The following LMBR1 variants were observed in gnomAD, a reference collection of about 807,000 sequenced individuals.
LMBR1 encodes the protein limb region 1 protein homolog.
In LMBR1, 52 loss-of-function variants were observed where a neutral mutation model predicts 73.9. The ratio of observed to expected loss-of-function variants is 0.70; its 90% CI spans 0.56 to 0.89. The LOEUF (loss-of-function observed/expected upper bound fraction) is 0.89. Ranked by LOEUF, LMBR1 falls within the 40% of genes least tolerant of loss-of-function variation. LMBR1 has a pLI of 0.00. For missense variants in LMBR1, 539 were observed against 579.8 expected, an observed-to-expected ratio of 0.93 and a Z score of 0.72; for synonymous variants, 215 against 209.4, an observed-to-expected ratio of 1.03 and a Z score of -0.23.
intron 5 of LMBR1, among the ~76,000 whole-genome samples, chr7:156,766,732 T>C (rs1332125805): frequency 6.6e-6 from 1 of 152,016 alleles, no homozygotes; most frequent in Non-Finnish European, 1.5e-5. Context: ...CCCCAAGCAG[T>C]CCTAGCTGCT....
At chr7:156,707,176 G>C (rs939103300) in intron 15 of LMBR1, among the ~76,000 whole-genome samples, 1 of 152,044 alleles carries the variant, frequency 6.6e-6, no homozygotes, top group Non-Finnish European at 1.5e-5. Flanking sequence ...AACCTCTCAA[G>C]ATTGAACCGG....
At chr7:156,788,783 C>G (rs1828633780) in intron 5 of LMBR1, among the ~76,000 whole-genome samples, 1 of 152,218 alleles carries the variant, frequency 6.6e-6, no homozygotes, top group Non-Finnish European at 1.5e-5. Flanking sequence ...CACAATGGCT[C>G]ACGCCTGTAA....
intron 9 of LMBR1, chr7:156,736,371 TA>T (rs1817872016): frequency 2.8e-6 from 1 of 355,184 alleles, no homozygotes; most frequent in Admixed American, 3.6e-5. Flanking sequence ...TTGCATTCAT[TA>T]TTTAGTATAA....
At chr7:156,705,558 A>C (rs988079953) in intron 15 of LMBR1, among the ~76,000 whole-genome samples, 2 of 152,202 alleles carry the variant, frequency 1.3e-5, no homozygotes, top group East Asian at 3.8e-4. Flanking sequence ...ACTCTGTCGC[A>C]AAAAGAAAAG....
intron 9 of LMBR1, among the ~76,000 whole-genome samples, chr7:156,749,951 AG>A (rs1820534804): frequency 6.6e-6 from 1 of 152,124 alleles, no homozygotes; most frequent in Non-Finnish European, 1.5e-5. Context: ...GGCCTCCCAA[AG>A]TGCTGGGATT....
chr7:156,862,549 A>G (rs755797728), intron 1 of LMBR1, among the ~76,000 whole-genome samples: 2 of 152,222 alleles, frequency 1.3e-5, no homozygotes, highest in Non-Finnish European at 2.9e-5. Flanking sequence ...TTTAGATACA[A>G]TATGAAAAGC....
At chr7:156,875,022 G>A (rs1411394712) in intron 1 of LMBR1, among the ~76,000 whole-genome samples, 1 of 152,158 alleles carries the variant, frequency 6.6e-6, no homozygotes, top group African/African-American at 2.4e-5. Context: ...AGAGAAAGGT[G>A]AAGTCCAATT....
In LMBR1 at chr7:156,704,480, A is replaced by G. The variant is rs1585274136; in HGVS notation, c.1226-16289T>C. 2.0e-5 allele frequency among the ~76,000 whole-genome samples: 3 copies of G among 152,330 alleles called. No individual in the cohort carries two copies. The East Asian group carries it at 5.8e-4, about 29-fold the overall frequency. ...TCCCAATGAAAGTAAATTTAAAAAT[A>G]AGCAGCAACTATTGCTCCGGATGCG... On this transcript the variant is annotated intron_variant, in intron 15 of 16. Coordinates refer to ENST00000353442, the MANE Select transcript of LMBR1 (RefSeq NM_022458.4).
intron 1 of LMBR1, among the ~76,000 whole-genome samples, chr7:156,888,218 G>A (rs1195839270): frequency 6.6e-6 from 1 of 151,624 alleles, no homozygotes; most frequent in Non-Finnish European, 1.5e-5. Context: ...AGACCTTCCT[G>A]GCTAACATGG....
chr7:156,803,793 C>T (rs990148032), intron 4 of LMBR1, among the ~76,000 whole-genome samples: 7 of 151,770 alleles, frequency 4.6e-5, no homozygotes, highest in African/African-American at 1.7e-4. Context: ...CACATATACA[C>T]CATGGAATAC....
intron 1 of LMBR1, among the ~76,000 whole-genome samples, chr7:156,887,719 G>A (rs559013640): frequency 2.3e-4 from 35 of 152,244 alleles, no homozygotes; most frequent in African/African-American, 7.7e-4. Context: ...TAGCAATAGA[G>A]TAAAAAGGCA....
At chr7:156,794,200 C>T (rs1281011060) in intron 5 of LMBR1, among the ~76,000 whole-genome samples, 1 of 152,178 alleles carries the variant, frequency 6.6e-6, no homozygotes, top group Non-Finnish European at 1.5e-5. Flanking sequence ...GGTCAAGAAA[C>T]ACAGCTGGTG....
chr7:156,824,501 T>C (rs1037179251), intron 4 of LMBR1, among the ~76,000 whole-genome samples: 2 of 152,144 alleles, frequency 1.3e-5, no homozygotes. Flanking sequence ...AGAATATACA[T>C]TATTAGTCTA....
intron 16 of LMBR1, 112 bp from the exon 17 acceptor site, chr7:156,684,275 G>A: frequency 2.4e-6 from 2 of 838,184 alleles, no homozygotes; most frequent in African/African-American, 1.7e-5. Context: ...TTGGAAAGCT[G>A]TGAGGTGCTG....
chr7:156,811,478 C>A (rs1833086815), intron 4 of LMBR1, among the ~76,000 whole-genome samples: 1 of 151,952 alleles, frequency 6.6e-6, no homozygotes, highest in South Asian at 2.1e-4. Context: ...GGCATGGTGG[C>A]ACACGCCTGT....
At chr7:156,802,232 T>C (rs113193698) in intron 4 of LMBR1, among the ~76,000 whole-genome samples, 4,848 of 152,096 alleles carry the variant, frequency 0.032, 124 homozygotes, top group South Asian at 0.085. Context: ...ATCCACTCGC[T>C]TCGGCCTTCC....
At chr7:156,866,926 T>C (rs1798553166) in intron 1 of LMBR1, among the ~76,000 whole-genome samples, 1 of 152,212 alleles carries the variant, frequency 6.6e-6, no homozygotes, top group African/African-American at 2.4e-5. Context: ...AGAAGATCCT[T>C]GTGATAGTTC....
At chr7:156,763,825 G>T in intron 5 of LMBR1, 30 bp from the exon 6 acceptor site, 1 of 1,553,230 alleles carries the variant, frequency 6.4e-7, no homozygotes, top group African/African-American at 1.4e-5. Flanking sequence ...TATAATTTTA[G>T]TATTTTACTT....
intron 1 of LMBR1, among the ~76,000 whole-genome samples, chr7:156,890,611 A>C (rs1323946647): frequency 6.6e-6 from 1 of 152,218 alleles, no homozygotes; most frequent in Non-Finnish European, 1.5e-5. Flanking sequence ...TTATCAGGAA[A>C]ATGCAAATTA....
Sources: allele counts gnomAD v4.1 joint callset (sites outside exome capture counted in the v4.1 genomes callset), GRCh38; gene constraint gnomAD v4.1.1; transcripts MANE v1.5; gene names NCBI Gene and HGNC (gene_info 2026-07-23, HGNC 2026-07-21).